C7orf78: variants seen among roughly 807,000 people sequenced by gnomAD.
C7orf78 encodes putative uncharacterized protein C7orf78.
At chr7:12,525,057 C>G in the C7orf78 span, among the ~76,000 whole-genome samples, 1 of 152,024 alleles carries the variant, frequency 6.6e-6, no homozygotes, top group South Asian at 2.1e-4. Context: ...ATGTTGTATT[C>G]AATTAAAGAG....
chr7:12,505,563 A>G, the C7orf78 span, among the ~76,000 whole-genome samples: 1 of 152,130 alleles, frequency 6.6e-6, no homozygotes, highest in Non-Finnish European at 1.5e-5. Context: ...GTGGAGAATA[A>G]CTCTGCTTAT....
chr7:12,484,852 A>AT, the C7orf78 span, among the ~76,000 whole-genome samples: 96 of 151,280 alleles, frequency 6.3e-4, no homozygotes, highest in East Asian at 0.013. Context: ...AGTTGCAATA[A>AT]TTTTTTTTTT....
chr7:12,523,563 T>C, the C7orf78 span: 3 of 389,868 alleles, frequency 7.7e-6, no homozygotes, highest in Non-Finnish European at 9.1e-6. Flanking sequence ...TAATGCTGCC[T>C]TTTTTTCTCA....
chr7:12,486,386 T>C, the C7orf78 span, among the ~76,000 whole-genome samples: 1 of 151,982 alleles, frequency 6.6e-6, no homozygotes, highest in East Asian at 1.9e-4. Context: ...ACAATATTTA[T>C]TGAACATCTA....
chr7:12,496,607 T>C, the C7orf78 span: 1 of 152,212 alleles, frequency 6.6e-6, no homozygotes, highest in South Asian at 2.1e-4. Context: ...TCACTTGGCA[T>C]TTAGCACCTT....
the C7orf78 span, among the ~76,000 whole-genome samples, chr7:12,488,007 AT>A: frequency 2.0e-5 from 3 of 152,028 alleles, no homozygotes; most frequent in Non-Finnish European, 4.4e-5. Flanking sequence ...CTGTTACCAC[AT>A]TTTTCAAAGA....
the C7orf78 span, among the ~76,000 whole-genome samples, chr7:12,500,951 A>C: frequency 2.0e-5 from 3 of 151,220 alleles, no homozygotes; most frequent in African/African-American, 2.5e-5. Flanking sequence ...AATGTAATCC[A>C]GCATATAAAC....
the C7orf78 span, among the ~76,000 whole-genome samples, chr7:12,511,627 T>G: frequency 3.3e-5 from 5 of 152,356 alleles, no homozygotes; most frequent in Non-Finnish European, 7.4e-5. Context: ...TTTGTAGCTA[T>G]AGAAAATAAA....
At chr7:12,534,391 C>T in the C7orf78 span, among the ~76,000 whole-genome samples, 177 of 152,110 alleles carry the variant, frequency 1.2e-3, 2 homozygotes, top group East Asian at 0.031. Context: ...GAAAAGAAAA[C>T]AATAACCTTT....
At chr7:12,530,613 C>T in the C7orf78 span, 1 of 152,766 alleles carries the variant, frequency 6.5e-6, no homozygotes, top group Non-Finnish European at 1.5e-5. Context: ...TCTTTGTGTC[C>T]CCTCACTCAT....
the C7orf78 span, chr7:12,487,080 C>T: frequency 6.6e-6 from 1 of 151,752 alleles, no homozygotes; most frequent in Non-Finnish European, 1.5e-5. Context: ...AGGTAAGTTA[C>T]CTAACATCTC....
chr7:12,492,545 A>G, the C7orf78 span, among the ~76,000 whole-genome samples: 1 of 152,224 alleles, frequency 6.6e-6, no homozygotes, highest in Non-Finnish European at 1.5e-5. Flanking sequence ...TTGAGTTGGC[A>G]TGCATATGCA....
the C7orf78 span, among the ~76,000 whole-genome samples, chr7:12,540,113 A>G: frequency 9.2e-5 from 14 of 152,226 alleles, no homozygotes; most frequent in Admixed American, 8.5e-4. Flanking sequence ...GTCCATGTGT[A>G]AGAAATCAGG....
At chr7:12,531,395 C>T in the C7orf78 span, among the ~76,000 whole-genome samples, 1 of 152,020 alleles carries the variant, frequency 6.6e-6, no homozygotes, top group African/African-American at 2.4e-5. Flanking sequence ...GGGAGGAGGG[C>T]AGATTAATGT....
the C7orf78 span, among the ~76,000 whole-genome samples, chr7:12,501,604 A>T: frequency 7.8e-6 from 1 of 128,362 alleles, no homozygotes; most frequent in African/African-American, 2.9e-5. Context: ...ATGGAAGAAC[A>T]TTCCATGCTC....
chr7:12,516,763 CA>C, the C7orf78 span, among the ~76,000 whole-genome samples: 1 of 152,154 alleles, frequency 6.6e-6, no homozygotes, highest in African/African-American at 2.4e-5. Flanking sequence ...TTTGACTGCC[CA>C]GATGGATTTC....
At chr7:12,531,846 G>A in the C7orf78 span, among the ~76,000 whole-genome samples, 5 of 152,258 alleles carry the variant, frequency 3.3e-5, 1 homozygote, top group Middle Eastern at 6.8e-3. Flanking sequence ...AGAAAGGAGA[G>A]CAGCTCCTTT....
chr7:12,518,992 G>A, the C7orf78 span, among the ~76,000 whole-genome samples: 1 of 152,210 alleles, frequency 6.6e-6, no homozygotes, highest in South Asian at 2.1e-4. Flanking sequence ...CGTGCTGCTG[G>A]TATGGGCTGG....
the C7orf78 span, chr7:12,528,793 G>A: frequency 7.6e-6 from 3 of 395,694 alleles, no homozygotes; most frequent in Non-Finnish European, 1.3e-5. Flanking sequence ...AAATTATCCA[G>A]CGACTTACCA....
Sources: allele counts gnomAD v4.1 joint callset (sites outside exome capture counted in the v4.1 genomes callset), GRCh38; gene constraint gnomAD v4.1.1; transcripts MANE v1.5; gene names NCBI Gene and HGNC (gene_info 2026-07-23, HGNC 2026-07-21).